THOC2: variants seen among roughly 807,000 people sequenced by gnomAD.
THOC2 encodes THO complex subunit 2.
THOC2 carries 10 observed loss-of-function variants against 128.4 expected under a neutral mutation model. That is an observed-to-expected ratio of 0.08 (90% CI 0.05 to 0.13). The LOEUF is 0.13. Among genes scored for constraint, THOC2 ranks in the 10% least tolerant of loss-of-function variants. The probability of loss-of-function intolerance (pLI) is 1.00; values close to 1 mark genes in which losing one functional copy is unlikely to be tolerated. For missense variants in THOC2, 535 were observed against 1,155.7 expected (o/e 0.46, Z 7.79); for synonymous variants, 393 against 396.9 (o/e 0.99, Z 0.12).
At chrX:123,718,365 A>G (rs780701605) in intron 1 of THOC2, among the ~76,000 whole-genome samples, 2 of 112,425 alleles carry the variant, frequency 1.8e-5, no homozygotes, top group South Asian at 3.7e-4. Flanking sequence ...GGGAAGAGCT[A>G]CACAACACTG....
intron 2 of THOC2, among the ~76,000 whole-genome samples, chrX:123,708,352 T>A (rs1289317505): frequency 8.9e-6 from 1 of 111,903 alleles, no homozygotes; most frequent in Non-Finnish European, 1.9e-5. Context: ...TGCTTTTAAA[T>A]AACAATATAA....
At chrX:123,629,705 C>T (rs1395332985) in intron 22 of THOC2, among the ~76,000 whole-genome samples, 2 of 111,506 alleles carry the variant, frequency 1.8e-5, no homozygotes, top group African/African-American at 6.5e-5. Flanking sequence ...GTCCCAATTG[C>T]ATCAGAAACC....
intron 4 of THOC2, among the ~76,000 whole-genome samples, chrX:123,700,275 C>T (rs780105209): frequency 2.9e-4 from 31 of 108,738 alleles, no homozygotes; most frequent in Non-Finnish European, 5.5e-4. Context: ...CCAAGGCAGG[C>T]GGATCACCTG....
intron 7 of THOC2, 145 bp from the exon 8 acceptor site, chrX:123,686,859 G>T: frequency 2.2e-6 from 1 of 457,882 alleles, no homozygotes; most frequent in Non-Finnish European, 3.6e-6. Context: ...CTCTCTCCCA[G>T]AGGGAAATAA....
rs57639724 is a variant in THOC2, at chrX:123,630,612, CAAAAAAAAAA to C, written c.2481+1066_2481+1075del. Among the ~76,000 whole-genome samples the C allele has an allele frequency of 1.2e-3, 19 of 16,070 alleles. 1 individual carries two copies. The South Asian group carries it at 0.073, about 62-fold the overall frequency. 14.0% of individuals were successfully genotyped at this position (16,070 alleles called of 115,157 possible). On this transcript the variant is annotated intron_variant, in intron 22 of 38. Coordinates refer to ENST00000245838, the MANE Select transcript of THOC2 (RefSeq NM_001081550.2). ...TGGAAGACAGAGCGAGACTCCATCT[CAAAAAAAAAA>C]AAAAAAAAAAAAAAAAAATCTGGGC...
At chrX:123,631,965 G>A in intron 21 of THOC2, 113 bp from the exon 22 acceptor site, 1 of 690,536 alleles carries the variant, frequency 1.4e-6, no homozygotes, top group Non-Finnish European at 2.1e-6. Flanking sequence ...AAGGACTTTA[G>A]AGACTATCTA....
chrX:123,712,796 A>C (rs2051245813), intron 2 of THOC2, 54 bp downstream of exon 2: 2 of 804,902 alleles, frequency 2.5e-6, no homozygotes, highest in African/African-American at 4.2e-5. Context: ...AATAGAAAGC[A>C]GACAGTTACT....
At chrX:123,622,560 A>C (rs1463446016) in intron 30 of THOC2, among the ~76,000 whole-genome samples, 198 bp downstream of exon 30, 1 of 111,854 alleles carries the variant, frequency 8.9e-6, no homozygotes, top group East Asian at 2.8e-4. Flanking sequence ...AGAAGAATTT[A>C]GAATTATGAG....
chrX:123,624,227 T>A, intron 26 of THOC2, 36 bp from the exon 27 acceptor site: 1 of 1,127,070 alleles, frequency 8.9e-7, no homozygotes. Context: ...TAAAGAAAAA[T>A]TATGATCCAC....
chrX:123,683,129 T>C (rs776362790), intron 8 of THOC2, among the ~76,000 whole-genome samples: 4 of 111,760 alleles, frequency 3.6e-5, no homozygotes, highest in African/African-American at 6.5e-5. Flanking sequence ...ATTTGCATAC[T>C]GGTTGAGCAT....
At chrX:123,611,181 G>T (rs1210898728) in intron 37 of THOC2, among the ~76,000 whole-genome samples, 1 of 110,782 alleles carries the variant, frequency 9.0e-6, no homozygotes, top group African/African-American at 3.3e-5. Context: ...TCCTCTCTGT[G>T]ATAATATAAC....
chrX:123,689,233 G>T (rs1322228992), intron 7 of THOC2, among the ~76,000 whole-genome samples: 6 of 111,561 alleles, frequency 5.4e-5, no homozygotes, highest in African/African-American at 2.0e-4. Flanking sequence ...TTTCCTTCTA[G>T]GTGCAATTTA....
At chrX:123,622,672 G>A in intron 30 of THOC2, 86 bp downstream of exon 30, 1 of 697,623 alleles carries the variant, frequency 1.4e-6, no homozygotes, top group South Asian at 3.1e-5. Context: ...GGGCAACATT[G>A]CAAGACCAAC....
intron 5 of THOC2, among the ~76,000 whole-genome samples, chrX:123,697,130 G>C (rs895699432): frequency 6.3e-5 from 7 of 111,660 alleles, no homozygotes; most frequent in Non-Finnish European, 1.3e-4. Flanking sequence ...ACTGCATTTG[G>C]CTTATCTGGA....
intron 8 of THOC2, among the ~76,000 whole-genome samples, chrX:123,674,834 G>T (rs1156636324): frequency 9.0e-6 from 1 of 110,517 alleles, no homozygotes; most frequent in African/African-American, 3.3e-5. Context: ...ATACATCCCT[G>T]CCCCTCCCCA....
intron 8 of THOC2, among the ~76,000 whole-genome samples, chrX:123,674,651 TTTG>T (rs1275449088): frequency 8.9e-6 from 1 of 111,845 alleles, no homozygotes; most frequent in African/African-American, 3.2e-5. Context: ...CACTGCCTTT[TTTG>T]TTTGATTTTG....
intron 1 of THOC2, among the ~76,000 whole-genome samples, chrX:123,726,703 T>G (rs761270595): frequency 6.3e-5 from 7 of 111,729 alleles, no homozygotes; most frequent in African/African-American, 2.3e-4. Flanking sequence ...TTACATAACT[T>G]TAAGAAATAA....
At chrX:123,624,481 T>C (rs1257270414) in intron 26 of THOC2, 60 bp downstream of exon 26, 2 of 1,086,947 alleles carry the variant, frequency 1.8e-6, no homozygotes, top group East Asian at 6.1e-5. Flanking sequence ...ACTATCTAGA[T>C]ATTAATGGAT....
At chrX:123,680,123 C>CGCCT (rs2049698037) in intron 8 of THOC2, among the ~76,000 whole-genome samples, 1 of 110,504 alleles carries the variant, frequency 9.0e-6, no homozygotes, top group Non-Finnish European at 1.9e-5. Flanking sequence ...GAGGAAGGAA[C>CGCCT]GCCTCGTTGC....
Sources: allele counts gnomAD v4.1 joint callset (sites outside exome capture counted in the v4.1 genomes callset), GRCh38; gene constraint gnomAD v4.1.1; transcripts MANE v1.5; gene names NCBI Gene and HGNC (gene_info 2026-07-23, HGNC 2026-07-21).